Variants in LPP observed in about 807,000 individuals in gnomAD.
The protein encoded by LPP is LIM domain containing preferred translocation partner in lipoma, also known as lipoma-preferred partner.
A neutral mutation model predicts 60.4 loss-of-function variants in LPP; 38 were observed. The ratio of observed to expected loss-of-function variants is 0.63; its 90% confidence interval spans 0.49 to 0.83. The LOEUF is 0.83. Ranked by LOEUF, LPP falls within the 40% of genes least tolerant of loss-of-function variation. LPP has a pLI of 0.00. For synonymous variants in LPP, 328 were observed against 290.8 expected (o/e 1.13, Z -1.30); for missense variants, 902 against 783.6 (o/e 1.15, Z -1.80).
intron 7 of LPP, among the ~76,000 whole-genome samples, chr3:188,634,473 C>A (rs1305791726): frequency 6.6e-6 from 1 of 152,204 alleles, no homozygotes; most frequent in Admixed American, 6.5e-5. Context: ...TGGACCTCTA[C>A]CAGTCCGTGA....
chr3:188,172,776 C>A (rs1373388415), intron 1 of LPP, among the ~76,000 whole-genome samples: 1 of 152,220 alleles, frequency 6.6e-6, no homozygotes, highest in Non-Finnish European at 1.5e-5. Flanking sequence ...ATTTCACCAG[C>A]TTTTCCACTA....
intron 9 of LPP, among the ~76,000 whole-genome samples, chr3:188,859,838 T>G (rs1764762830): frequency 6.6e-6 from 1 of 152,138 alleles, no homozygotes; most frequent in Admixed American, 6.5e-5. Flanking sequence ...AAAAGTACAG[T>G]TTAGAGATTT....
At chr3:188,631,573 C>A (rs1417544524) in intron 7 of LPP, among the ~76,000 whole-genome samples, 2 of 152,162 alleles carry the variant, frequency 1.3e-5, no homozygotes, top group Non-Finnish European at 2.9e-5. Context: ...CACATGTATA[C>A]TTTTACACAT....
chr3:188,498,254 A>C (rs534904690), intron 5 of LPP, among the ~76,000 whole-genome samples: 7 of 152,268 alleles, frequency 4.6e-5, no homozygotes, highest in African/African-American at 1.7e-4. Flanking sequence ...AATATGATGA[A>C]GTACATTCAT....
chr3:188,794,464 C>T (rs529641621), intron 9 of LPP, among the ~76,000 whole-genome samples: 7 of 152,130 alleles, frequency 4.6e-5, no homozygotes, highest in Non-Finnish European at 1.0e-4. Flanking sequence ...AGTGACTCTC[C>T]TACCTCTGTC....
intron 7 of LPP, among the ~76,000 whole-genome samples, chr3:188,620,951 A>T (rs1245119435): frequency 6.6e-6 from 1 of 152,216 alleles, no homozygotes; most frequent in South Asian, 2.1e-4. Context: ...TAAATGAAAG[A>T]GTCAACCAAC....
At chr3:188,775,481 A>G (rs1375862041) in intron 9 of LPP, among the ~76,000 whole-genome samples, 1 of 152,210 alleles carries the variant, frequency 6.6e-6, no homozygotes, top group African/African-American at 2.4e-5. Flanking sequence ...TTAAGGATAC[A>G]TTTAACCTGC....
chr3:188,380,806 C>T (rs1776681271), intron 3 of LPP, among the ~76,000 whole-genome samples: 1 of 152,224 alleles, frequency 6.6e-6, no homozygotes, highest in Non-Finnish European at 1.5e-5. Context: ...CATTTATCCA[C>T]CAACAATATT....
At chr3:188,201,543 C>A (rs1731082657) in intron 1 of LPP, among the ~76,000 whole-genome samples, 1 of 152,020 alleles carries the variant, frequency 6.6e-6, no homozygotes, top group South Asian at 2.1e-4. Flanking sequence ...CCCATCTCTA[C>A]TAAAAATACA....
At chr3:188,482,808 G>A (rs940785637) in intron 4 of LPP, among the ~76,000 whole-genome samples, 24 of 152,210 alleles carry the variant, frequency 1.6e-4, no homozygotes, top group Admixed American at 1.2e-3. Flanking sequence ...TATGTTGTAA[G>A]TTATTGAACA....
At chr3:188,271,252 C>A (rs746229192) in intron 2 of LPP, among the ~76,000 whole-genome samples, 79 of 152,222 alleles carry the variant, frequency 5.2e-4, no homozygotes, top group Non-Finnish European at 1.0e-3. Context: ...TCATGGTCTT[C>A]TTTCACTTGC....
At chr3:188,506,297 A>G (rs185423461) in intron 5 of LPP, among the ~76,000 whole-genome samples, 34 of 152,278 alleles carry the variant, frequency 2.2e-4, no homozygotes, top group Admixed American at 2.0e-3. Flanking sequence ...TTAGAAGGTT[A>G]TTTTGAGGAC....
chr3:188,851,950 G>A (rs1392295499), intron 9 of LPP, among the ~76,000 whole-genome samples: 1 of 152,108 alleles, frequency 6.6e-6, no homozygotes, highest in African/African-American at 2.4e-5. Context: ...ATCACTTGAG[G>A]CCGGGGAGTT....
At chr3:188,762,851 A>G (rs1194943106) in intron 9 of LPP, among the ~76,000 whole-genome samples, 1 of 152,084 alleles carries the variant, frequency 6.6e-6, no homozygotes. Context: ...TGACTCTAAA[A>G]TGTAATTTAA....
chr3:188,696,057 A>G (rs1207994866), intron 7 of LPP, among the ~76,000 whole-genome samples: 1 of 152,210 alleles, frequency 6.6e-6, no homozygotes, highest in African/African-American at 2.4e-5. Context: ...ACAATATTAA[A>G]TAATCTAGTG....
chr3:188,536,467 G>T (rs6795334), intron 6 of LPP, among the ~76,000 whole-genome samples: 72,326 of 152,102 alleles, frequency 0.48, 18,083 homozygotes, highest in East Asian at 0.92. Context: ...TATAAAGCAT[G>T]TCAAAACCAA....
At chr3:188,312,639 G>A (rs1255415634) in intron 2 of LPP, among the ~76,000 whole-genome samples, 1 of 152,064 alleles carries the variant, frequency 6.6e-6, no homozygotes, top group Non-Finnish European at 1.5e-5. Context: ...AAAAATGTGA[G>A]GTTAGGATTT....
At chr3:188,692,236 C>A (rs1862285431) in intron 7 of LPP, among the ~76,000 whole-genome samples, 1 of 152,224 alleles carries the variant, frequency 6.6e-6, no homozygotes, top group Non-Finnish European at 1.5e-5. Context: ...TGCTGTCATG[C>A]AGCCTCATAT....
At chr3:188,168,401 A>C (rs2148776344) in intron 1 of LPP, among the ~76,000 whole-genome samples, 1 of 152,318 alleles carries the variant, frequency 6.6e-6, no homozygotes, top group African/African-American at 2.4e-5. Context: ...TGTGATGTTA[A>C]AGAACATCTC....
Sources: gnomAD v4.1 joint callset for allele counts (sites outside exome capture counted in the v4.1 genomes callset) on GRCh38, gnomAD v4.1.1 for gene constraint, MANE v1.5 for transcripts, NCBI Gene and HGNC (gene_info 2026-07-23, HGNC 2026-07-21) for gene names.